The following RNF150 variants were observed in gnomAD, a reference collection of about 807,000 sequenced individuals.
RNF150 encodes ring finger protein 150.
In RNF150, 24 loss-of-function variants were observed where a neutral mutation model predicts 39.3. The ratio of observed to expected loss-of-function variants is 0.61; its 90% CI spans 0.44 to 0.86. The LOEUF is 0.86. RNF150 is among the 40% of genes least tolerant of loss of function. The pLI is 0.00. For missense variants in RNF150, 502 were observed against 587.8 expected (o/e 0.85, Z 1.51); for synonymous variants, 255 against 227.3 (o/e 1.12, Z -1.10).
At position 141,132,257 on chromosome 4, in the gene RNF150, G is replaced by A; in HGVS notation, c.484+68C>T. 2 of 1,494,744 alleles carry A rather than the reference G, an allele frequency of 1.3e-6. No homozygotes were observed. Among genetic ancestry groups the A allele is most frequent in the Non-Finnish European group, 1.8e-6 (2 of 1,103,694 alleles). The allele number at this position is 1,494,744 out of a possible 1,614,324, so 92.6% of individuals were successfully genotyped here. A position where few individuals can be genotyped will look rare whatever the true frequency, so the allele number is the denominator to read the frequency against. On this transcript the variant is annotated intron_variant, in intron 1 of 6. Coordinates refer to ENST00000515673, the MANE Select transcript of RNF150 (RefSeq NM_020724.2). The surrounding 1 kb of genome is among the most constrained non-coding windows in gnomAD (Gnocchi z 4.9). ...CTTCCCAGAAGGAGCCTGGAGGCAG[G>A]CGCTGGATCCCTCTAGGCACCTCCG... is the stretch of plus-strand genomic sequence containing the variant.
chr4:141,132,612 T>A lies in RNF150; in HGVS notation c.197A>T (p.Glu66Val), dbSNP rs1726927533. The A allele has an allele frequency of 6.5e-6, 10 of 1,537,670 alleles. No individual in the cohort carries two copies. The highest frequency in any genetic ancestry group is 8.7e-6 in the Non-Finnish European group (10 of 1,144,680). ...GCACTCCGTCTTCTCCGTGTGCAGC[T>A]CCGCGCCGCCGCCGCCCGCCGCCCC... ...GAGAAGGGGAELHTEKTECGR... is the reference protein window; with the variant it reads ...GAGAAGGGGAVLHTEKTECGR... The change falls in exon 1 of 7, where the codon GAG becomes GTG. Residue 66 changes from glutamate (E) to valine (V), a missense_variant. Physicochemically the swap from Glu to Val is moderately radical, Grantham distance 121. Transcript: ENST00000515673. This position sits in a 1 kb window ranked among gnomAD's most constrained non-coding sequence, Gnocchi z 4.9.
chr4:141,033,577 C>T (rs2110833301), intron 1 of RNF150, among the ~76,000 whole-genome samples: 1 of 152,254 alleles, frequency 6.6e-6, no homozygotes, highest in South Asian at 2.1e-4. Flanking sequence ...ATTGACTTCA[C>T]CCACATCCAT....
intron 1 of RNF150, among the ~76,000 whole-genome samples, chr4:141,068,668 G>T (rs376075563): frequency 2.7e-5 from 4 of 150,210 alleles, no homozygotes; most frequent in African/African-American, 7.4e-5. Context: ...CATTTTCACG[G>T]TATTGATTCT....
chr4:141,047,206 C>G (rs1736611893), intron 1 of RNF150, among the ~76,000 whole-genome samples: 1 of 152,066 alleles, frequency 6.6e-6, no homozygotes. Context: ...ATTTAGAAAG[C>G]TAGTTTAGAA....
intron 1 of RNF150, among the ~76,000 whole-genome samples, chr4:140,975,683 T>G (rs1210739766): frequency 6.6e-6 from 1 of 152,176 alleles, no homozygotes; most frequent in Non-Finnish European, 1.5e-5. Context: ...CCTGATCCTA[T>G]TTTCTGGGGA....
chr4:140,960,553 C>T (rs1312884583), intron 2 of RNF150, among the ~76,000 whole-genome samples: 1 of 152,096 alleles, frequency 6.6e-6, no homozygotes, highest in African/African-American at 2.4e-5. Flanking sequence ...TTTCAGATTC[C>T]CTCACTCCTA....
chr4:140,995,971 CT>C (rs1375033998), intron 1 of RNF150, among the ~76,000 whole-genome samples: 1 of 151,928 alleles, frequency 6.6e-6, no homozygotes, highest in Non-Finnish European at 1.5e-5. Flanking sequence ...TACTGATTTC[CT>C]TTTTTGGGGG....
chr4:141,191,484 A>G (rs1728109091), intron 1 of RNF150, among the ~76,000 whole-genome samples: 1 of 152,210 alleles, frequency 6.6e-6, no homozygotes, highest in Non-Finnish European at 1.5e-5. Flanking sequence ...CTTTGGGATA[A>G]CACTTAGTAT....
At chr4:141,075,307 T>C (rs1314519786) in intron 1 of RNF150, among the ~76,000 whole-genome samples, 1 of 148,924 alleles carries the variant, frequency 6.7e-6, no homozygotes, top group Non-Finnish European at 1.5e-5. Flanking sequence ...TAAAACGTTA[T>C]TCACAAAAAC....
intron 5 of RNF150, among the ~76,000 whole-genome samples, chr4:140,922,717 C>G (rs1731209320): frequency 6.6e-6 from 1 of 152,122 alleles, no homozygotes. Context: ...TGACTTCAAA[C>G]TTGGTTACAA....
At chr4:141,046,613 A>G (rs1346811780) in intron 1 of RNF150, among the ~76,000 whole-genome samples, 1 of 152,164 alleles carries the variant, frequency 6.6e-6, no homozygotes, top group Non-Finnish European at 1.5e-5. Flanking sequence ...TCAGCTTCTG[A>G]ACATCTGTGT....
intron 6 of RNF150, 92 bp downstream of exon 6, chr4:140,911,052 A>ATT: frequency 1.0e-6 from 1 of 991,124 alleles, no homozygotes; most frequent in South Asian, 1.5e-5. Flanking sequence ...CTCATTCAAT[A>ATT]TTTTTTTCTT....
At chr4:140,942,336 G>A (rs1049485041) in intron 4 of RNF150, among the ~76,000 whole-genome samples, 1 of 152,216 alleles carries the variant, frequency 6.6e-6, no homozygotes, top group Non-Finnish European at 1.5e-5. Flanking sequence ...GCCCGCCTCA[G>A]AGGCTGCTCA....
intron 1 of RNF150, among the ~76,000 whole-genome samples, chr4:141,127,018 C>T (rs1215942145): frequency 6.6e-6 from 1 of 152,138 alleles, no homozygotes; most frequent in Non-Finnish European, 1.5e-5. Flanking sequence ...AGCCTTAGAT[C>T]GCTTCCTATA....
At chr4:140,893,255 C>A (rs989718410) in intron 6 of RNF150, among the ~76,000 whole-genome samples, 1 of 152,074 alleles carries the variant, frequency 6.6e-6, no homozygotes, top group Non-Finnish European at 1.5e-5. Context: ...TCTCAGGGGT[C>A]AGGGGCTTAT....
At chr4:140,890,990 A>G (rs1231132281) in intron 6 of RNF150, among the ~76,000 whole-genome samples, 4 of 152,172 alleles carry the variant, frequency 2.6e-5, no homozygotes, top group Non-Finnish European at 5.9e-5. Context: ...GGTGTAAAGT[A>G]CCATTTTAAA....
chr4:141,174,256 A>T (rs891015956), intron 1 of RNF150, among the ~76,000 whole-genome samples: 1 of 152,150 alleles, frequency 6.6e-6, no homozygotes, highest in Non-Finnish European at 1.5e-5. Context: ...GCTAGTTTGT[A>T]CTGTTTGAGT....
At chr4:141,052,571 T>C (rs1020948522) in intron 1 of RNF150, among the ~76,000 whole-genome samples, 14 of 152,168 alleles carry the variant, frequency 9.2e-5, no homozygotes, top group Non-Finnish European at 1.8e-4. Flanking sequence ...AGATGGGGTT[T>C]CACTACGTTG....
intron 1 of RNF150, among the ~76,000 whole-genome samples, chr4:141,186,421 A>AG (rs368300518): frequency 1.3e-4 from 19 of 151,940 alleles, no homozygotes; most frequent in Middle Eastern, 3.4e-3. Flanking sequence ...TTTTTTTGAG[A>AG]GGGGGTCTCT....
Sources: allele counts gnomAD v4.1 joint callset (sites outside exome capture counted in the v4.1 genomes callset), GRCh38; gene constraint gnomAD v4.1.1; non-coding constraint Gnocchi (gnomAD v3.1); transcripts MANE v1.5; gene names NCBI Gene and HGNC (gene_info 2026-07-23, HGNC 2026-07-21).